The following PTPRN2 variants were observed in gnomAD, a reference collection of about 807,000 sequenced individuals.
PTPRN2 encodes the protein receptor-type tyrosine-protein phosphatase N2.
In PTPRN2, 74 loss-of-function variants were observed where a neutral mutation model predicts 118.8. That is an observed-to-expected ratio of 0.62 (90% CI 0.52 to 0.76). PTPRN2 has a LOEUF of 0.76. Ranked by LOEUF, PTPRN2 falls within the 30% of genes least tolerant of loss-of-function variation. PTPRN2 has a pLI of 0.00. For synonymous variants in PTPRN2, 641 were observed against 608.0 expected (o/e 1.05, Z -0.80); for missense variants, 1,481 against 1,394.4 (o/e 1.06, Z -0.99).
In PTPRN2 at chr7:158,259,020, C is replaced by T. The variant is rs554266978; in HGVS notation, c.278-53747G>A. Reference sequence around the variant, plus strand: ...AGGGAGGCAGGAAGCAGGAGCAGGACGGGTTGAGGCAGCAGCACCAGCAAC... The same window carrying T: ...AGGGAGGCAGGAAGCAGGAGCAGGATGGGTTGAGGCAGCAGCACCAGCAAC... On this transcript the variant is annotated intron_variant, in intron 3 of 22. Coordinates refer to ENST00000389418, the MANE Select transcript of PTPRN2 (RefSeq NM_002847.5). Among the ~76,000 whole-genome samples the T allele has an allele frequency of 4.6e-5, 7 of 152,044 alleles. 1 individual carries two copies. The South Asian group carries it at 1.2e-3, about 27-fold the overall frequency.
intron 3 of PTPRN2, among the ~76,000 whole-genome samples, chr7:158,263,084 CACACACAT>C (rs1356268576): frequency 7.2e-6 from 1 of 138,340 alleles, no homozygotes; most frequent in Non-Finnish European, 1.5e-5. Flanking sequence ...TCACACACAC[CACACACAT>C]TCACACACTG....
intron 12 of PTPRN2, among the ~76,000 whole-genome samples, chr7:157,860,236 C>G (rs915900427): frequency 6.6e-6 from 1 of 152,224 alleles, no homozygotes; most frequent in Non-Finnish European, 1.5e-5. Context: ...TCTGCATACC[C>G]TGGATTTCAG....
At chr7:157,574,198 GA>G in intron 19 of PTPRN2, 1 of 289,894 alleles carries the variant, frequency 3.4e-6, no homozygotes, top group Non-Finnish European at 7.7e-6. Context: ...AATTCACTGA[GA>G]AAGAACGATT....
chr7:158,460,717 G>C lies in PTPRN2; in HGVS notation c.163+29018C>G, dbSNP rs559656942. Among the ~76,000 whole-genome samples the C allele has an allele frequency of 6.0e-5, 9 of 150,774 alleles. No homozygotes were observed. The South Asian group carries it at 1.7e-3, about 28-fold the overall frequency. Reference sequence around the variant, plus strand: ...AGAATTCATCTGCTCTGTCCTGCACGGTCCCATGGGAAAGTCAAGCCATGG... The same window carrying C: ...AGAATTCATCTGCTCTGTCCTGCACCGTCCCATGGGAAAGTCAAGCCATGG... On this transcript the variant is annotated intron_variant, in intron 2 of 22. Coordinates refer to ENST00000389418, the MANE Select transcript of PTPRN2 (RefSeq NM_002847.5).
rs1379170868 is a variant in PTPRN2 at position 158,529,905 on chromosome 7, G to T, written c.113-40120C>A. On this transcript the variant is annotated intron_variant, in intron 1 of 22. Transcript: ENST00000389418. The surrounding 1 kb of genome is among the most constrained non-coding windows in gnomAD (Gnocchi z 4.7). ...GCACACCACACACGTGCCACACACA[G>T]CACACATATGCACGCTACCACACAC... is the stretch of plus-strand genomic sequence containing the variant. Among the ~76,000 whole-genome samples, 1 of 151,844 alleles carries T rather than the reference G, an allele frequency of 6.6e-6. No homozygotes were observed. Among genetic ancestry groups the T allele is most frequent in the Non-Finnish European group, 1.5e-5 (1 of 67,934 alleles).
At chr7:157,682,378 A>G (rs937140658) in intron 13 of PTPRN2, among the ~76,000 whole-genome samples, 2 of 152,196 alleles carry the variant, frequency 1.3e-5, no homozygotes, top group African/African-American at 4.8e-5. Flanking sequence ...CTACACGCCA[A>G]ATGATCTCGC....
intron 1 of PTPRN2, among the ~76,000 whole-genome samples, chr7:158,496,336 TTCCCTGTGCCCC>T (rs1821854037): frequency 2.9e-5 from 2 of 68,240 alleles, no homozygotes; most frequent in African/African-American, 1.4e-4. Flanking sequence ...GCCCCTCCCC[TTCCCTGTGCCCC>T]CTTCCCTGCG....
At chr7:157,726,418 A>T (rs1799604570) in intron 12 of PTPRN2, among the ~76,000 whole-genome samples, 1 of 152,062 alleles carries the variant, frequency 6.6e-6, no homozygotes, top group Non-Finnish European at 1.5e-5. Context: ...TCCCAGGAAA[A>T]CTGGATATCC....
intron 9 of PTPRN2, among the ~76,000 whole-genome samples, chr7:158,128,569 A>G (rs908878263): frequency 1.3e-5 from 2 of 152,148 alleles, no homozygotes; most frequent in Admixed American, 6.5e-5. Context: ...AAATGACCCA[A>G]TGTGATAGGT....
At chr7:157,652,719 G>T (rs1805747035) in intron 14 of PTPRN2, among the ~76,000 whole-genome samples, 1 of 152,190 alleles carries the variant, frequency 6.6e-6, no homozygotes. Flanking sequence ...GACACCCAGT[G>T]GCTGCACAGC....
In PTPRN2 at chr7:157,623,000, G is replaced by A. The variant is rs958809208; in HGVS notation, c.2197-1491C>T. Among the ~76,000 whole-genome samples, 3 of 152,294 alleles carry A rather than the reference G, an allele frequency of 2.0e-5. No individual in the cohort carries two copies. Among genetic ancestry groups the A allele is most frequent in the African/African-American group, 4.8e-5 (2 of 41,564 alleles). On this transcript the variant is annotated intron_variant, in intron 14 of 22. Transcript: ENST00000389418. This position sits in a 1 kb window ranked among gnomAD's most constrained non-coding sequence, Gnocchi z 5.3. ...TTCATCTACTCCCGTCACCAGCCCCGACACCCAGGAAGCCTCGTGGTTTCC... is the reference window on the plus strand; with the variant it reads ...TTCATCTACTCCCGTCACCAGCCCCAACACCCAGGAAGCCTCGTGGTTTCC...
At chr7:157,820,905 C>T (rs571887692) in intron 12 of PTPRN2, among the ~76,000 whole-genome samples, 5 of 152,186 alleles carry the variant, frequency 3.3e-5, no homozygotes, top group African/African-American at 9.7e-5. Flanking sequence ...CCTTTGGAGC[C>T]GAGGATGAAG....
At chr7:157,642,099 C>T (rs545471911) in intron 14 of PTPRN2, among the ~76,000 whole-genome samples, 3 of 152,360 alleles carry the variant, frequency 2.0e-5, no homozygotes, top group Admixed American at 1.3e-4. Flanking sequence ...CCGACACTCC[C>T]GTCAAGGACA....
chr7:157,665,392 G>A (rs1052280744), intron 13 of PTPRN2, among the ~76,000 whole-genome samples: 7 of 152,304 alleles, frequency 4.6e-5, no homozygotes, highest in African/African-American at 1.2e-4. Flanking sequence ...GAAGAAGAAA[G>A]GTAGATGTAA....
chr7:158,224,679 C>A (rs1828618231), intron 3 of PTPRN2, among the ~76,000 whole-genome samples: 1 of 152,154 alleles, frequency 6.6e-6, no homozygotes, highest in Non-Finnish European at 1.5e-5. Flanking sequence ...GCAAAAAGTT[C>A]TTAGACTTGA....
rs887903129 is a variant in PTPRN2, at chr7:158,526,998, C to A, written c.113-37213G>T. Among the ~76,000 whole-genome samples, 1 of 152,108 alleles carries A rather than the reference C, an allele frequency of 6.6e-6. No homozygotes were observed. The highest frequency in any genetic ancestry group is 2.4e-5 in the African/African-American group (1 of 41,430). On this transcript the variant is annotated intron_variant, in intron 1 of 22. Transcript: ENST00000389418. The surrounding 1 kb of genome is among the most constrained non-coding windows in gnomAD (Gnocchi z 5.2). ...TGACCTCCTCAAACCTTCATAAAGG[C>A]ATAACTTGTAACAACACAAGTTATG...
intron 12 of PTPRN2, among the ~76,000 whole-genome samples, chr7:157,842,357 T>G (rs983089573): frequency 1.4e-5 from 2 of 147,738 alleles, no homozygotes; most frequent in Non-Finnish European, 3.0e-5. Context: ...AGATTTAAAG[T>G]GCAAATGGTA....
intron 2 of PTPRN2, among the ~76,000 whole-genome samples, chr7:158,332,612 C>A (rs11978603): frequency 0.63 from 87,412 of 138,096 alleles, 26,825 homozygotes; most frequent in South Asian, 0.75. Flanking sequence ...GAAGTGACAC[C>A]TGCAGATGTC....
intron 2 of PTPRN2, among the ~76,000 whole-genome samples, chr7:158,434,333 T>C (rs1816426000): frequency 6.6e-6 from 1 of 152,232 alleles, no homozygotes; most frequent in Non-Finnish European, 1.5e-5. Context: ...ATCTCAATAT[T>C]TGCTTTATAC....
Sources: allele counts gnomAD v4.1 joint callset (sites outside exome capture counted in the v4.1 genomes callset), GRCh38; gene constraint gnomAD v4.1.1; non-coding constraint Gnocchi (gnomAD v3.1); transcripts MANE v1.5; gene names NCBI Gene and HGNC (gene_info 2026-07-23, HGNC 2026-07-21).